SNN: variants seen among roughly 807,000 people sequenced by gnomAD.
SNN encodes stannin.
Under a neutral mutation model 5.3 loss-of-function variants are expected in SNN, and 5 were observed. The ratio of observed to expected loss-of-function variants is 0.94; its 90% CI spans 0.49 to 1.97. The LOEUF (loss-of-function observed/expected upper bound fraction) is 1.97, where lower values mean the gene tolerates loss of function less well. Among genes scored for constraint, SNN ranks in the 30% most tolerant of loss-of-function variants. The probability of loss-of-function intolerance (pLI) is 0.01; values close to 1 mark genes in which losing one functional copy is unlikely to be tolerated. For missense variants in SNN, 127 were observed against 121.6 expected (o/e 1.04, Z -0.21); for synonymous variants, 67 against 52.1 (o/e 1.29, Z -1.24).
At chr16:11,675,841 T>C in intron 1 of SNN, 134 bp from the exon 2 acceptor site, 1 of 523,274 alleles carries the variant, frequency 1.9e-6, no homozygotes, top group South Asian at 2.8e-5. Flanking sequence ...TGAGCGTGGG[T>C]GAGCAGACGC....
chr16:11,671,840 C>A lies in SNN; in HGVS notation c.-86+3300C>A, dbSNP rs1456203306. ...TTGTGGGGACCTGCTGCCCTCCGCG[C>A]TTTGAGTTTCCCGGGGCTCTGCTTG... On this transcript the variant is annotated intron_variant, in intron 1 of 1. Transcript: ENST00000329565. This position sits in a 1 kb window ranked among gnomAD's most constrained non-coding sequence, Gnocchi z 4.7. Among the ~76,000 whole-genome samples, 1 of 152,316 alleles carries A rather than the reference C, an allele frequency of 6.6e-6. No homozygotes were observed. The highest frequency in any genetic ancestry group is 2.4e-5 in the African/African-American group (1 of 41,568).
In SNN at chr16:11,672,962, C is replaced by G. The variant is rs2050275502; in HGVS notation, c.-85-3013C>G. 6.6e-6 allele frequency among the ~76,000 whole-genome samples: 1 copy of G among 152,112 alleles called. No homozygotes were observed. The highest frequency in any genetic ancestry group is 1.5e-5 in the Non-Finnish European group (1 of 68,022). ...TGATTTTCTACTTCCTGTCCCTGAA[C>G]CACCCCCACCCCCAAACACACACAC... On this transcript the variant is annotated intron_variant, in intron 1 of 1. Coordinates refer to ENST00000329565, the MANE Select transcript of SNN (RefSeq NM_003498.6). This position sits in a 1 kb window ranked among gnomAD's most constrained non-coding sequence, Gnocchi z 6.0.
At chr16:11,675,888 AG>A in intron 1 of SNN, 86 bp from the exon 2 acceptor site, 2 of 659,300 alleles carry the variant, frequency 3.0e-6, no homozygotes. Flanking sequence ...TGTCAGGGTG[AG>A]GGTGGGATGG....
In SNN at chr16:11,668,970, A is replaced by C. The variant is rs2050246957; in HGVS notation, c.-86+430A>C. Among the ~76,000 whole-genome samples, 2 of 151,154 alleles carry C rather than the reference A, an allele frequency of 1.3e-5. No homozygotes were observed. The highest frequency in any genetic ancestry group is 2.4e-5 in the African/African-American group (1 of 41,084). ...TCCGGCGCCCGTCTCGCGGGTAGGG[A>C]AACTGAGGCCGGGCCGCAGCGTTCG... On this transcript the variant is annotated intron_variant, in intron 1 of 1. Transcript: ENST00000329565. This position sits in a 1 kb window ranked among gnomAD's most constrained non-coding sequence, Gnocchi z 6.8.
Position 11,676,178 on chromosome 16 carries a change from G to A in SNN, c.119G>A (p.Arg40His), listed in dbSNP as rs747411695. The A allele has an allele frequency of 1.4e-5, 22 of 1,614,114 alleles. No individual in the cohort carries two copies. Among genetic ancestry groups the A allele is most frequent in the East Asian group, 6.7e-5 (3 of 44,898 alleles). Residue 40 changes from arginine (R) to histidine (H), a missense_variant, in exon 2 of 2, where the codon CGC (arginine) becomes CAC (histidine). Transcript: ENST00000329565. ...LGCWCYLRLQ[R>H]ISQSEDEESI... ...TGCTGGTGCTACCTGCGGCTGCAGC[G>A]CATCAGCCAGTCAGAGGACGAGGAG... is the stretch of plus-strand genomic sequence containing the variant.
In SNN at chr16:11,676,381, G is replaced by A; in HGVS notation, c.*55G>A. 1.3e-6 allele frequency: 2 copies of A among 1,568,734 alleles called. No homozygotes were observed. Among genetic ancestry groups the A allele is most frequent in the African/African-American group, 1.4e-5 (1 of 73,944 alleles). On this transcript the variant is annotated 3_prime_UTR_variant, in exon 2 of 2. Transcript: ENST00000329565. ...GCAGCCGGCCAAGAGGCGCTGGGAG[G>A]GGCAAAACCATACGGATGCGCTGCT...
chr16:11,676,869 A>T lies in SNN; in HGVS notation c.*543A>T, dbSNP rs1205242823. The T allele has an allele frequency of 5.9e-6, 1 of 169,020 alleles. No homozygotes were observed. The highest frequency in any genetic ancestry group is 1.4e-5 in the Non-Finnish European group (1 of 69,426). 10.5% of individuals were successfully genotyped at this position (169,020 alleles called of 1,614,324 possible). On this transcript the variant is annotated 3_prime_UTR_variant, in exon 2 of 2. Transcript: ENST00000329565. ...GTGTATGTCAAGGAAGTGAGATGCC[A>T]ATTTGGGGTCTTGAGGCTGACCAGT...
rs2050304558 is a variant in SNN, at chr16:11,676,394, C to G, written c.*68C>G. 1 of 1,516,294 alleles carries G rather than the reference C, an allele frequency of 6.6e-7. No individual in the cohort carries two copies. Among genetic ancestry groups the G allele is most frequent in the African/African-American group, 1.4e-5 (1 of 72,588 alleles). The allele number at this position is 1,516,294 out of a possible 1,614,324, so 93.9% of individuals were successfully genotyped here. On this transcript the variant is annotated 3_prime_UTR_variant, in exon 2 of 2. Coordinates refer to ENST00000329565, the MANE Select transcript of SNN (RefSeq NM_003498.6). ...AGGCGCTGGGAGGGGCAAAACCATA[C>G]GGATGCGCTGCTGTCTGAGAGGAAG...
At chr16:11,674,302 G>A (rs1009673380) in intron 1 of SNN, among the ~76,000 whole-genome samples, 6 of 152,184 alleles carry the variant, frequency 3.9e-5, no homozygotes, top group Admixed American at 2.0e-4. Flanking sequence ...TGCAGCCAGC[G>A]TTTGCTCTGT....
At position 11,668,522 on chromosome 16, in the gene SNN, G is replaced by A. The variant is rs1337328090; in HGVS notation, c.-104G>A. ...GGGGCTGCTGCGGGGCGATCGGGCC[G>A]GGCCGCTGCCGCGCCATGGTGAGCC... On this transcript the variant is annotated 5_prime_UTR_variant, in exon 1 of 2. Transcript: ENST00000329565. The surrounding 1 kb of genome is among the most constrained non-coding windows in gnomAD (Gnocchi z 6.8). 1 of 145,068 alleles carries A rather than the reference G, an allele frequency of 6.9e-6. No homozygotes were observed. The highest frequency in any genetic ancestry group is 2.5e-5 in the African/African-American group (1 of 40,436). 9.0% of individuals were successfully genotyped at this position (145,068 alleles called of 1,614,324 possible). A position where few individuals can be genotyped will look rare whatever the true frequency, so the allele number is the denominator to read the frequency against.
At chr16:11,673,259 T>A (rs960315927) in intron 1 of SNN, among the ~76,000 whole-genome samples, 1 of 151,452 alleles carries the variant, frequency 6.6e-6, no homozygotes, top group Non-Finnish European at 1.5e-5. Flanking sequence ...CTAAGTGGGG[T>A]TGTGGAACCG....
At chr16:11,673,239 G>T (rs1346246734) in intron 1 of SNN, among the ~76,000 whole-genome samples, 3 of 152,182 alleles carry the variant, frequency 2.0e-5, no homozygotes, top group African/African-American at 7.2e-5. Flanking sequence ...CTGGAGGCGT[G>T]AGAGAACAGC....
Position 11,676,251 on chromosome 16 carries a change from G to A in SNN, c.192G>A (p.Gln64=), listed in dbSNP as rs776712790. 1.2e-6 allele frequency: 2 copies of A among 1,614,238 alleles called. No homozygotes were observed. The highest frequency in any genetic ancestry group is 2.2e-5 in the East Asian group (1 of 44,878). The change falls in exon 2 of 2, where the codon CAG becomes CAA. Residue 64 remains glutamine (Q), a synonymous_variant. Transcript: ENST00000329565. ...GETKEPFLLV[Q]YSAKGPCVER... ...CCAAGGAACCCTTCCTGCTGGTGCAGTATTCGGCCAAGGGACCGTGCGTGG... is the reference window on the plus strand; with the variant it reads ...CCAAGGAACCCTTCCTGCTGGTGCAATATTCGGCCAAGGGACCGTGCGTGG...
At chr16:11,670,609 C>T (rs1487593184) in intron 1 of SNN, among the ~76,000 whole-genome samples, 1 of 152,264 alleles carries the variant, frequency 6.6e-6, no homozygotes, top group Non-Finnish European at 1.5e-5. Flanking sequence ...CTCCCCACGA[C>T]CTGGTAGATG....
Position 11,672,317 on chromosome 16 carries a change from G to A in SNN, c.-85-3658G>A, listed in dbSNP as rs1317703950. 6.6e-6 allele frequency among the ~76,000 whole-genome samples: 1 copy of A among 152,216 alleles called. No individual in the cohort carries two copies. The highest frequency in any genetic ancestry group is 1.5e-5 in the Non-Finnish European group (1 of 68,038). ...CCTAGAGAAGGGCAGGTAGCAAGGA[G>A]AGCAAATGAAGTAGGGCAAGGCTGT... On this transcript the variant is annotated intron_variant, in intron 1 of 1. Coordinates refer to ENST00000329565, the MANE Select transcript of SNN (RefSeq NM_003498.6). This position sits in a 1 kb window ranked among gnomAD's most constrained non-coding sequence, Gnocchi z 6.0.
chr16:11,669,403 G>C (rs1478133930), intron 1 of SNN, among the ~76,000 whole-genome samples: 1 of 152,254 alleles, frequency 6.6e-6, no homozygotes, highest in Non-Finnish European at 1.5e-5. Flanking sequence ...AGAGGAGGTA[G>C]GGAGAATGTG....
Position 11,676,730 on chromosome 16 carries a change from G to A in SNN, c.*404G>A, listed in dbSNP as rs951243161. On this transcript the variant is annotated 3_prime_UTR_variant, in exon 2 of 2. Coordinates refer to ENST00000329565, the MANE Select transcript of SNN (RefSeq NM_003498.6). ...TTTAAAAATATCATCTAGCGCACAC[G>A]GGACTGGTATTCTGGCTGTACTAAT... 4.9e-6 allele frequency: 1 copy of A among 202,770 alleles called. No homozygotes were observed. Among genetic ancestry groups the A allele is most frequent in the South Asian group, 1.2e-4 (1 of 8,550 alleles). The allele number at this position is 202,770 out of a possible 1,614,324, so 12.6% of individuals were successfully genotyped here. A position where few individuals can be genotyped will look rare whatever the true frequency, so the allele number is the denominator to read the frequency against.
At position 11,672,129 on chromosome 16, in the gene SNN, G is replaced by A. The variant is rs2050269648; in HGVS notation, c.-86+3589G>A. 6.6e-6 allele frequency among the ~76,000 whole-genome samples: 1 copy of A among 152,160 alleles called. No homozygotes were observed. Among genetic ancestry groups the A allele is most frequent in the Non-Finnish European group, 1.5e-5 (1 of 68,022 alleles). On this transcript the variant is annotated intron_variant, in intron 1 of 1. Coordinates refer to ENST00000329565, the MANE Select transcript of SNN (RefSeq NM_003498.6). The surrounding 1 kb of genome is among the most constrained non-coding windows in gnomAD (Gnocchi z 6.0). Reference sequence around the variant, plus strand: ...ACAGGGTCTCCTCTAACTCATCACTGTATCTGCAGGGAGGGAACACTCAAC... The same window carrying A: ...ACAGGGTCTCCTCTAACTCATCACTATATCTGCAGGGAGGGAACACTCAAC...
chr16:11,669,664 G>A (rs2050254021), intron 1 of SNN, among the ~76,000 whole-genome samples: 1 of 152,170 alleles, frequency 6.6e-6, no homozygotes, highest in South Asian at 2.1e-4. Flanking sequence ...AACTTTCTCC[G>A]GCATCTACAA....
Sources: gnomAD v4.1 joint callset for allele counts (sites outside exome capture counted in the v4.1 genomes callset) on GRCh38, gnomAD v4.1.1 for gene constraint, Gnocchi (gnomAD v3.1) non-coding constraint, MANE v1.5 for transcripts, NCBI Gene and HGNC (gene_info 2026-07-23, HGNC 2026-07-21) for gene names.